The following XKR9 variants were observed in gnomAD, a reference collection of about 807,000 sequenced individuals.
XKR9 encodes the protein XK related 9.
XKR9 carries 32 observed loss-of-function variants against 32.0 expected under a neutral mutation model. The observed-to-expected ratio is 1.00, with a 90% CI of 0.76 to 1.34. XKR9 has a LOEUF of 1.34. Among genes scored for constraint, XKR9 ranks in the 40% most tolerant of loss-of-function variants. XKR9 has a pLI of 0.00. For synonymous variants in XKR9, 168 were observed against 143.4 expected, an observed-to-expected ratio of 1.17 and a Z score of -1.22; for missense variants, 546 against 429.7, an observed-to-expected ratio of 1.27 and a Z score of -2.39.
the XKR9 span, among the ~76,000 whole-genome samples, chr8:71,003,141 C>T: frequency 1.3e-5 from 2 of 152,190 alleles, no homozygotes; most frequent in East Asian, 1.9e-4. Context: ...AAGCTTATTT[C>T]GGGGTCATTA....
chr8:70,722,549 C>T (rs1191486097), intron 4 of XKR9, among the ~76,000 whole-genome samples: 1 of 152,112 alleles, frequency 6.6e-6, no homozygotes, highest in Non-Finnish European at 1.5e-5. Context: ...TTCTCCTTTA[C>T]TTATGAAACT....
chr8:70,690,354 A>G (rs760858486), intron 3 of XKR9, among the ~76,000 whole-genome samples: 6 of 151,992 alleles, frequency 3.9e-5, no homozygotes, highest in Non-Finnish European at 8.8e-5. Flanking sequence ...TTTTGGAGAT[A>G]GAGTCTCACT....
At chr8:70,937,780 G>C in the XKR9 span, among the ~76,000 whole-genome samples, 1 of 152,046 alleles carries the variant, frequency 6.6e-6, no homozygotes, top group Non-Finnish European at 1.5e-5. Context: ...CTGACTACAT[G>C]TCCAGGGCTT....
the XKR9 span, among the ~76,000 whole-genome samples, chr8:71,061,491 A>G: frequency 2.0e-5 from 3 of 152,210 alleles, no homozygotes; most frequent in Non-Finnish European, 4.4e-5. Context: ...AGGTGGAACC[A>G]AATATATCTC....
At chr8:71,011,409 T>TA in the XKR9 span, among the ~76,000 whole-genome samples, 1 of 152,136 alleles carries the variant, frequency 6.6e-6, no homozygotes, top group African/African-American at 2.4e-5. Context: ...ATTGGTACAA[T>TA]AAAAAAAAGA....
chr8:70,973,584 T>A, the XKR9 span, among the ~76,000 whole-genome samples: 3 of 152,144 alleles, frequency 2.0e-5, no homozygotes, highest in African/African-American at 7.2e-5. Flanking sequence ...CTTTTTAATG[T>A]AGGCATTTAA....
intron 1 of XKR9, among the ~76,000 whole-genome samples, chr8:70,673,886 C>T (rs923330580): frequency 8.5e-5 from 13 of 152,198 alleles, no homozygotes; most frequent in African/African-American, 3.1e-4. Context: ...GTTACACTTA[C>T]AATAGTTTAT....
chr8:70,828,318 C>G, the XKR9 span, among the ~76,000 whole-genome samples: 1 of 152,022 alleles, frequency 6.6e-6, no homozygotes, highest in Admixed American at 6.5e-5. Flanking sequence ...ATAGTAGGTC[C>G]CATGTAAACT....
intron 2 of XKR9, among the ~76,000 whole-genome samples, chr8:70,778,803 C>G (rs1388348369): frequency 6.6e-6 from 1 of 152,094 alleles, no homozygotes; most frequent in Admixed American, 6.5e-5. Context: ...GATTTTGTAT[C>G]CTGAGACTTT....
At chr8:70,761,723 C>G (rs2130209876) in intron 2 of XKR9, among the ~76,000 whole-genome samples, 1 of 151,630 alleles carries the variant, frequency 6.6e-6, no homozygotes, top group African/African-American at 2.4e-5. Context: ...TCAATTTTTG[C>G]TTTTGTTGCA....
intron 2 of XKR9, among the ~76,000 whole-genome samples, chr8:70,764,047 T>G (rs1331168403): frequency 6.6e-6 from 1 of 152,226 alleles, no homozygotes; most frequent in African/African-American, 2.4e-5. Context: ...GCAGATAGTT[T>G]TGAGTCTATA....
the XKR9 span, among the ~76,000 whole-genome samples, chr8:71,031,019 CCTT>C: frequency 1.3e-5 from 2 of 152,112 alleles, no homozygotes; most frequent in Non-Finnish European, 2.9e-5. Flanking sequence ...TTCTCCTCCT[CCTT>C]CTTCTTTTCT....
chr8:70,857,436 T>A, the XKR9 span, among the ~76,000 whole-genome samples: 1 of 152,152 alleles, frequency 6.6e-6, no homozygotes, highest in Non-Finnish European at 1.5e-5. Context: ...AGAAGTTGAA[T>A]CTGAATAGAC....
the XKR9 span, among the ~76,000 whole-genome samples, chr8:70,992,758 T>C: frequency 0.56 from 84,855 of 152,014 alleles, 24,656 homozygotes; most frequent in Middle Eastern, 0.62. Flanking sequence ...CTTCTGGTGT[T>C]CAGCTTCTTG....
the XKR9 span, among the ~76,000 whole-genome samples, chr8:71,049,678 A>G: frequency 1.3e-5 from 2 of 152,198 alleles, no homozygotes; most frequent in Admixed American, 6.5e-5. Flanking sequence ...GAAAGTGTAG[A>G]CAAGTTGGAC....
chr8:71,023,001 T>C, the XKR9 span, among the ~76,000 whole-genome samples: 2 of 152,298 alleles, frequency 1.3e-5, no homozygotes, highest in Middle Eastern at 3.4e-3. Context: ...CCTTAATTGT[T>C]TTTTCTGCTT....
At chr8:70,977,716 T>C in the XKR9 span, among the ~76,000 whole-genome samples, 2 of 152,158 alleles carry the variant, frequency 1.3e-5, no homozygotes, top group Admixed American at 1.3e-4. Flanking sequence ...ATTCTGTTGA[T>C]TTGGGGTGGA....
the XKR9 span, among the ~76,000 whole-genome samples, chr8:70,877,724 T>A: frequency 6.6e-6 from 1 of 152,152 alleles, no homozygotes; most frequent in South Asian, 2.1e-4. Context: ...TGGAACCAAG[T>A]TGGAAAACAC....
chr8:70,820,976 C>T, the XKR9 span, among the ~76,000 whole-genome samples: 3 of 152,158 alleles, frequency 2.0e-5, no homozygotes, highest in African/African-American at 7.2e-5. Context: ...TCCCAACAGT[C>T]CCCCAAAGTC....
Sources: allele counts gnomAD v4.1 joint callset (sites outside exome capture counted in the v4.1 genomes callset), GRCh38; gene constraint gnomAD v4.1.1; transcripts MANE v1.5; gene names NCBI Gene and HGNC (gene_info 2026-07-23, HGNC 2026-07-21).